Variants in SEC24D observed in about 807,000 individuals in gnomAD.
SEC24D encodes protein transport protein Sec24D.
A neutral mutation model predicts 116.9 loss-of-function variants in SEC24D; 69 were observed. That is an observed-to-expected ratio of 0.59 (90% CI 0.49 to 0.72). The LOEUF (loss-of-function observed/expected upper bound fraction) is 0.72, where lower values mean the gene tolerates loss of function less well. SEC24D is among the 30% of genes least tolerant of loss of function. SEC24D has a pLI of 0.00. For synonymous variants in SEC24D, 405 were observed against 442.8 expected (o/e 0.91, Z 1.07); for missense variants, 1,131 against 1,264.1 (o/e 0.89, Z 1.60).
chr4:118,771,837 T>C (rs1727917964), intron 8 of SEC24D, among the ~76,000 whole-genome samples: 1 of 152,222 alleles, frequency 6.6e-6, no homozygotes, highest in South Asian at 2.1e-4. Flanking sequence ...TTAACATTTG[T>C]ACCACAGGTA....
chr4:118,777,135 C>T (rs1049495301), intron 8 of SEC24D, among the ~76,000 whole-genome samples: 2 of 129,684 alleles, frequency 1.5e-5, no homozygotes, highest in African/African-American at 5.5e-5. Context: ...TTTTATTATA[C>T]TTTAAGTTAG....
Position 118,732,928 on chromosome 4 carries a change from T to A in SEC24D, c.2497-16A>T. 6.2e-7 allele frequency: 1 copy of A among 1,608,598 alleles called. No homozygotes were observed. The highest frequency in any genetic ancestry group is 8.5e-7 in the Non-Finnish European group (1 of 1,175,572). On this transcript the variant is annotated splice_polypyrimidine_tract_variant and intron_variant, in intron 19 of 22. Transcript: ENST00000280551. ...GTAGAATAAGCTGAAAAAGACAATT[T>A]TTTGTTTCATACGCTTGATCTTTAC...
At chr4:118,739,455 T>C (rs1726129365) in intron 17 of SEC24D, among the ~76,000 whole-genome samples, 168 bp from the exon 18 acceptor site, 1 of 152,184 alleles carries the variant, frequency 6.6e-6, no homozygotes, top group South Asian at 2.1e-4. Context: ...CAACAGGAAA[T>C]ATGGGAGAAT....
intron 8 of SEC24D, among the ~76,000 whole-genome samples, chr4:118,786,644 T>C (rs1392530195): frequency 6.6e-6 from 1 of 152,236 alleles, no homozygotes; most frequent in Non-Finnish European, 1.5e-5. Flanking sequence ...CATATTCCTA[T>C]TTTTAAAATG....
rs765994923 is a variant in SEC24D at position 118,738,382 on chromosome 4, A to G, written c.2378-3T>C. ...CTGGTGGAGAACTGCTTTAAAAGCTACATCACAAAACAATGAAAAGGACAT... is the reference window on the plus strand; with the variant it reads ...CTGGTGGAGAACTGCTTTAAAAGCTGCATCACAAAACAATGAAAAGGACAT... On this transcript the variant is annotated splice_polypyrimidine_tract_variant and splice_region_variant and intron_variant, in intron 18 of 22. Transcript: ENST00000280551. 3.8e-6 allele frequency: 6 copies of G among 1,571,504 alleles called. No individual in the cohort carries two copies. The South Asian group carries it at 6.6e-5, about 17-fold the overall frequency.
chr4:118,764,013 T>A (rs1462140933), intron 10 of SEC24D, among the ~76,000 whole-genome samples: 2 of 152,056 alleles, frequency 1.3e-5, no homozygotes, highest in South Asian at 4.2e-4. Context: ...GGTTTGCCAG[T>A]TGGGGTATGT....
chr4:118,788,065 G>A (rs1301609020), intron 8 of SEC24D, among the ~76,000 whole-genome samples: 1 of 152,148 alleles, frequency 6.6e-6, no homozygotes, highest in Non-Finnish European at 1.5e-5. Flanking sequence ...GTGATTCTCT[G>A]ACCTCAGCCT....
In SEC24D at chr4:118,731,500, A is replaced by G. The variant is rs1258835554; in HGVS notation, c.2684T>C (p.Leu895Ser). The G allele has an allele frequency of 1.2e-6, 2 of 1,613,888 alleles. No individual in the cohort carries two copies. Among genetic ancestry groups the G allele is most frequent in the Non-Finnish European group, 1.7e-6 (2 of 1,179,906 alleles). The stretch of plus-strand genomic sequence containing the variant: ...AGGTAACATTGTACTCTTGACATCT[A>G]ACGTGTGCTGGGCAGGCACAGACAA... ...FYPQLLPIHTLDVKSTMLPAA... is the reference protein window; with the variant it reads ...FYPQLLPIHTSDVKSTMLPAA... Residue 895 changes from leucine to serine, a missense_variant, in exon 21 of 23, where the codon TTA (leucine) becomes TCA (serine). Leu to Ser is a moderately radical substitution (Grantham distance 145, BLOSUM62 -2). Coordinates refer to ENST00000280551, the MANE Select transcript of SEC24D (RefSeq NM_014822.4).
In SEC24D at chr4:118,740,566, G is replaced by A. The variant is rs1726176741; in HGVS notation, c.2238+97C>T. ...TGGAGAAAGAGTTGAATTTTTTTAT[G>A]AAGAGACTAACACATTTGATGGTAT... On this transcript the variant is annotated intron_variant, in intron 17 of 22. Transcript: ENST00000280551. 12 of 1,344,866 alleles carry A rather than the reference G, an allele frequency of 8.9e-6. No homozygotes were observed. In the South Asian group the frequency reaches 1.6e-4, roughly 18 times the overall value. The allele number at this position is 1,344,866 out of a possible 1,614,324, so 83.3% of individuals were successfully genotyped here.
At chr4:118,834,779 C>T (rs921778660) in intron 1 of SEC24D, among the ~76,000 whole-genome samples, 2 of 152,100 alleles carry the variant, frequency 1.3e-5, no homozygotes, top group African/African-American at 4.8e-5. Context: ...AGTTTATTTG[C>T]CCCATACAAG....
rs776854878 is a variant in SEC24D at position 118,752,871 on chromosome 4, G to A, written c.1439C>T (p.Thr480Met). The A allele has an allele frequency of 1.1e-5, 18 of 1,578,186 alleles. No homozygotes were observed. The highest frequency in any genetic ancestry group is 6.0e-5 in the South Asian group (5 of 83,402). ...EKIPKEEQEE[T>M]SAIRVGFITY... ...GATAAAACCCACTCGAATTGCAGAC[G>A]TCTCTTCTTGCTCTTCCCTGTAAGG... is the stretch of plus-strand genomic sequence containing the variant. The change falls in exon 12 of 23, where the codon ACG (threonine) becomes ATG (methionine). Residue 480 changes from threonine (T) to methionine (M), a missense_variant. By Grantham distance (81) the Thr-to-Met change is moderately conservative (BLOSUM62 -1). Coordinates refer to ENST00000280551, the MANE Select transcript of SEC24D (RefSeq NM_014822.4).
intron 7 of SEC24D, among the ~76,000 whole-genome samples, chr4:118,798,077 A>G (rs1224409357): frequency 2.6e-5 from 4 of 152,256 alleles, no homozygotes; most frequent in Non-Finnish European, 1.5e-5. Flanking sequence ...ATTATTTTCC[A>G]TAAGCAGAGT....
chr4:118,804,804 C>T (rs1729598528), intron 7 of SEC24D, among the ~76,000 whole-genome samples: 1 of 151,398 alleles, frequency 6.6e-6, no homozygotes, highest in African/African-American at 2.4e-5. Flanking sequence ...TTAGTATCTA[C>T]AACACCTATA....
At chr4:118,792,688 G>A (rs1002535997) in intron 8 of SEC24D, among the ~76,000 whole-genome samples, 7 of 152,126 alleles carry the variant, frequency 4.6e-5, no homozygotes, top group Non-Finnish European at 8.8e-5. Context: ...GATGCTTGAA[G>A]GCAGCATACT....
intron 2 of SEC24D, chr4:118,825,324 TCA>T: frequency 6.7e-6 from 2 of 298,436 alleles, no homozygotes; most frequent in South Asian, 6.2e-5. Flanking sequence ...GACTGCTCAC[TCA>T]CAGAGTCAGA....
intron 19 of SEC24D, chr4:118,733,458 A>C (rs1195866432): frequency 6.6e-6 from 1 of 152,170 alleles, no homozygotes; most frequent in Non-Finnish European, 1.5e-5. Context: ...TGCCAACAGG[A>C]TATCTCTTCC....
At chr4:118,744,326 G>C (rs1312433470) in intron 14 of SEC24D, among the ~76,000 whole-genome samples, 168 bp from the exon 15 acceptor site, 1 of 152,192 alleles carries the variant, frequency 6.6e-6, no homozygotes, top group Non-Finnish European at 1.5e-5. Flanking sequence ...CATCAGTGCA[G>C]TGGCCACCTG....
chr4:118,794,158 G>A (rs866129817), intron 8 of SEC24D, among the ~76,000 whole-genome samples: 20 of 152,108 alleles, frequency 1.3e-4, no homozygotes, highest in Non-Finnish European at 2.5e-4. Flanking sequence ...TATAAAATGC[G>A]TATATGCATT....
intron 3 of SEC24D, among the ~76,000 whole-genome samples, chr4:118,823,901 G>A (rs1004538320): frequency 7.9e-5 from 12 of 152,072 alleles, no homozygotes; most frequent in African/African-American, 2.4e-4. Context: ...GCGACAATCC[G>A]ATTTAATTTT....
Sources: gnomAD v4.1 joint callset for allele counts (sites outside exome capture counted in the v4.1 genomes callset) on GRCh38, gnomAD v4.1.1 for gene constraint, MANE v1.5 for transcripts, NCBI Gene and HGNC (gene_info 2026-07-23, HGNC 2026-07-21) for gene names.